Variants in TBC1D4 observed in about 807,000 individuals in gnomAD.
TBC1D4 encodes TBC (Tre-2, BUB2, CDC16) domain-containing protein.
A neutral mutation model predicts 142.5 loss-of-function variants in TBC1D4; 121 were observed. The ratio of observed to expected loss-of-function variants is 0.85; its 90% CI spans 0.73 to 0.99. The LOEUF (loss-of-function observed/expected upper bound fraction) is 0.99, where lower values mean the gene tolerates loss of function less well. Ranked by LOEUF, TBC1D4 falls within the 50% of genes least tolerant of loss-of-function variation. The pLI, the probability that TBC1D4 is intolerant of heterozygous loss-of-function variation, is 0.00. For synonymous variants in TBC1D4, 630 were observed against 628.2 expected, an observed-to-expected ratio of 1.00 and a Z score of -0.04; for missense variants, 1,475 against 1,606.6, an observed-to-expected ratio of 0.92 and a Z score of 1.40.
chr13:75,299,705 T>C (rs1876322739), intron 16 of TBC1D4, 131 bp from the exon 17 acceptor site: 12 of 1,152,050 alleles, frequency 1.0e-5, no homozygotes, highest in Non-Finnish European at 1.5e-5. Flanking sequence ...TTGCTTAGAG[T>C]CACCATGTAA....
intron 2 of TBC1D4, 101 bp from the exon 3 acceptor site, chr13:75,359,959 T>C: frequency 1.1e-6 from 1 of 937,826 alleles, no homozygotes. Context: ...AAATGCAATA[T>C]CCCAGATATA....
At chr13:75,361,653 T>G (rs1044195492) in intron 2 of TBC1D4, among the ~76,000 whole-genome samples, 2 of 152,192 alleles carry the variant, frequency 1.3e-5, no homozygotes, top group Non-Finnish European at 2.9e-5. Flanking sequence ...GTGCCGGAAT[T>G]ACAGGCGTGA....
intron 18 of TBC1D4, 28 bp downstream of exon 18, chr13:75,294,826 G>C (rs1249207158): frequency 2.5e-6 from 4 of 1,607,524 alleles, no homozygotes; most frequent in Non-Finnish European, 3.4e-6. Flanking sequence ...AAATAATACT[G>C]TTCCATTTAA....
At chr13:75,355,250 G>A (rs1566417442) in intron 4 of TBC1D4, among the ~76,000 whole-genome samples, 1 of 152,210 alleles carries the variant, frequency 6.6e-6, no homozygotes, top group African/African-American at 2.4e-5. Flanking sequence ...AGAAATCCTG[G>A]TGGGAGGATC....
In TBC1D4 at chr13:75,445,870, G is replaced by A. The variant is rs144859197; in HGVS notation, c.498+35400C>T. Among the ~76,000 whole-genome samples the A allele has an allele frequency of 9.7e-3, 1,471 of 152,236 alleles. 32 individuals carry two copies. Among genetic ancestry groups the A allele is most frequent in the African/African-American group, 0.034 (1,416 of 41,538 alleles). On this transcript the variant is annotated intron_variant, in intron 1 of 20. Coordinates refer to ENST00000377636, the MANE Select transcript of TBC1D4 (RefSeq NM_014832.5). ...GCCGATTCAACAAGCCTGAGTCACA[G>A]CCTAGACATTTTTGTTTTTAAAAAG...
rs1422186200 is a variant in TBC1D4 at position 75,411,157 on chromosome 13, G to A, written c.499-48550C>T. Among the ~76,000 whole-genome samples the A allele has an allele frequency of 6.6e-5, 10 of 152,080 alleles. No individual in the cohort carries two copies. The East Asian group carries it at 1.7e-3, about 26-fold the overall frequency. On this transcript the variant is annotated intron_variant, in intron 1 of 20. Coordinates refer to ENST00000377636, the MANE Select transcript of TBC1D4 (RefSeq NM_014832.5). Reference sequence around the variant, plus strand: ...TCCACAACCGCTCCTTTGTTTTACTGACCTTAGAAGGCAAGCACATGGAAA... The same window carrying A: ...TCCACAACCGCTCCTTTGTTTTACTAACCTTAGAAGGCAAGCACATGGAAA...
chr13:75,312,883 T>A lies in TBC1D4; in HGVS notation c.2238A>T (p.Arg746Ser), dbSNP rs769930572. 1 of 1,614,176 alleles carries A rather than the reference T, an allele frequency of 6.2e-7. No homozygotes were observed. Among genetic ancestry groups the A allele is most frequent in the East Asian group, 2.2e-5 (1 of 44,874 alleles). The change falls in exon 13 of 21, where the codon AGA becomes AGT. Residue 746 changes from arginine to serine, a missense_variant. By Grantham distance (110) the Arg-to-Ser change is moderately radical (BLOSUM62 -1). Coordinates refer to ENST00000377636, the MANE Select transcript of TBC1D4 (RefSeq NM_014832.5). ...TGCTGCAGGTAGATGAGGTCCTTTT[T>A]CTCCCTTCTCCATCACTGTTGAAAG... ...TASESSDGEG[R>S]KRTSSTCSNE...
At chr13:75,475,352 C>T (rs929655384) in intron 1 of TBC1D4, among the ~76,000 whole-genome samples, 3 of 152,220 alleles carry the variant, frequency 2.0e-5, no homozygotes, top group African/African-American at 7.2e-5. Context: ...TTCCAAGGGG[C>T]TACATCCAAG....
intron 13 of TBC1D4, among the ~76,000 whole-genome samples, chr13:75,310,466 C>T (rs903346496): frequency 2.0e-5 from 3 of 152,170 alleles, no homozygotes; most frequent in Admixed American, 1.3e-4. Context: ...AATTTACTTA[C>T]GTATATTCTC....
intron 1 of TBC1D4, among the ~76,000 whole-genome samples, chr13:75,395,270 A>C (rs1884725516): frequency 6.6e-6 from 1 of 152,158 alleles, no homozygotes; most frequent in African/African-American, 2.4e-5. Flanking sequence ...GCAACTCCTC[A>C]CCACAGACGC....
chr13:75,420,879 C>G (rs762293363), intron 1 of TBC1D4, among the ~76,000 whole-genome samples: 13 of 152,128 alleles, frequency 8.5e-5, no homozygotes. Flanking sequence ...TCTACAAGAG[C>G]TGAACGAGGC....
At chr13:75,453,229 T>C (rs1887599714) in intron 1 of TBC1D4, among the ~76,000 whole-genome samples, 1 of 151,912 alleles carries the variant, frequency 6.6e-6, no homozygotes, top group South Asian at 2.1e-4. Context: ...CTTTCAAGTA[T>C]CCTCAAGCAC....
chr13:75,357,157 G>A (rs1882119536), intron 3 of TBC1D4, among the ~76,000 whole-genome samples: 1 of 152,164 alleles, frequency 6.6e-6, no homozygotes, highest in Non-Finnish European at 1.5e-5. Flanking sequence ...CTACTGTCAG[G>A]AATGTTTGGA....
chr13:75,357,785 CA>C (rs1218529448), intron 3 of TBC1D4, among the ~76,000 whole-genome samples: 3 of 152,158 alleles, frequency 2.0e-5, no homozygotes, highest in Non-Finnish European at 2.9e-5. Flanking sequence ...GTAATAAGAG[CA>C]GAGCCAGCCA....
At chr13:75,313,710 G>A (rs1189710201) in intron 12 of TBC1D4, among the ~76,000 whole-genome samples, 2 of 152,040 alleles carry the variant, frequency 1.3e-5, no homozygotes, top group Admixed American at 6.5e-5. Context: ...AATCTTCGTA[G>A]AGACCGGGTC....
rs147917750 is a variant in TBC1D4 at position 75,410,312 on chromosome 13, C to T, written c.499-47705G>A. On this transcript the variant is annotated intron_variant, in intron 1 of 20. Coordinates refer to ENST00000377636, the MANE Select transcript of TBC1D4 (RefSeq NM_014832.5). ...CCTAACCCAAGCCCATCTCCACACA[C>T]ACAGTAATCCAGGTGCGGACACAGC... Among the ~76,000 whole-genome samples the T allele has an allele frequency of 1.8e-3, 278 of 152,328 alleles. 1 individual carries two copies. Among genetic ancestry groups the T allele is most frequent in the Non-Finnish European group, 3.1e-3 (209 of 68,030 alleles).
chr13:75,374,751 C>A (rs570788557), intron 1 of TBC1D4, among the ~76,000 whole-genome samples: 2 of 152,076 alleles, frequency 1.3e-5, no homozygotes, highest in African/African-American at 4.8e-5. Context: ...AAATTCAAAG[C>A]AAACTCGCAG....
rs542137732 is a variant in TBC1D4, at chr13:75,478,026, T to A, written c.498+3244A>T. Among the ~76,000 whole-genome samples, 20 of 152,298 alleles carry A rather than the reference T, an allele frequency of 1.3e-4. No individual in the cohort carries two copies. In the East Asian group the frequency reaches 1.5e-3, roughly 12 times the overall value. The stretch of plus-strand genomic sequence containing the variant: ...TCCTGACACACATCCTTAAATTGAC[T>A]CTGACCCAAAGGGAGGTGTGGAGCC... On this transcript the variant is annotated intron_variant, in intron 1 of 20. Transcript: ENST00000377636.
chr13:75,426,415 C>T lies in TBC1D4; in HGVS notation c.498+54855G>A, dbSNP rs183962750. Among the ~76,000 whole-genome samples, 70 of 152,224 alleles carry T rather than the reference C, an allele frequency of 4.6e-4. 1 individual carries two copies. In the Middle Eastern group the frequency reaches 0.02, roughly 44 times the overall value. On this transcript the variant is annotated intron_variant, in intron 1 of 20. Coordinates refer to ENST00000377636, the MANE Select transcript of TBC1D4 (RefSeq NM_014832.5). ...AGTGGCTTCACAGAAAACATGTATC[C>T]GGCTAATAAATGGGAGGAGGTCAAC...
Sources: allele counts gnomAD v4.1 joint callset (sites outside exome capture counted in the v4.1 genomes callset), GRCh38; gene constraint gnomAD v4.1.1; transcripts MANE v1.5; gene names NCBI Gene and HGNC (gene_info 2026-07-23, HGNC 2026-07-21).